The following LIN28B variants were observed in gnomAD, a reference collection of about 807,000 sequenced individuals.
LIN28B encodes the protein lin-28 RNA binding posttranscriptional regulator B, also known as protein lin-28 homolog B.
Under a neutral mutation model 21.9 loss-of-function variants are expected in LIN28B, and 5 were observed. The ratio of observed to expected loss-of-function variants is 0.23; its 90% CI spans 0.12 to 0.48. The LOEUF is 0.48. Ranked by LOEUF, LIN28B falls within the 20% of genes least tolerant of loss-of-function variation. The pLI is 0.98. For synonymous variants in LIN28B, 109 were observed against 111.3 expected, an observed-to-expected ratio of 0.98 and a Z score of 0.13; for missense variants, 245 against 310.5, an observed-to-expected ratio of 0.79 and a Z score of 1.58.
chr6:104,996,154 G>A (rs1770596429), intron 2 of LIN28B, among the ~76,000 whole-genome samples: 1 of 152,102 alleles, frequency 6.6e-6, no homozygotes, highest in Admixed American at 6.6e-5. Flanking sequence ...GATTTGCAGA[G>A]GGTTAAGGAA....
chr6:105,066,810 T>C (rs1452681290), intron 3 of LIN28B, among the ~76,000 whole-genome samples: 1 of 151,984 alleles, frequency 6.6e-6, no homozygotes, highest in Non-Finnish European at 1.5e-5. Context: ...TAAGACATTT[T>C]ACATATATAT....
intron 3 of LIN28B, among the ~76,000 whole-genome samples, chr6:105,051,616 C>G (rs1409503095): frequency 2.0e-5 from 3 of 151,746 alleles, no homozygotes. Flanking sequence ...TCCATGAGAA[C>G]AAGGATCTGG....
At chr6:105,020,991 G>C (rs999408822) in intron 2 of LIN28B, among the ~76,000 whole-genome samples, 4 of 151,588 alleles carry the variant, frequency 2.6e-5, no homozygotes, top group African/African-American at 7.3e-5. Flanking sequence ...TCCTGACCTC[G>C]TAATCCACCC....
intron 3 of LIN28B, chr6:105,058,167 C>G (rs1772057342): frequency 3.4e-6 from 1 of 292,506 alleles, no homozygotes; most frequent in Non-Finnish European, 6.7e-6. Context: ...AACTGGGAAC[C>G]ATTTAAAAAG....
chr6:105,068,399 A>C lies in LIN28B; in HGVS notation c.384-10015A>C, dbSNP rs369914553. On this transcript the variant is annotated intron_variant, in intron 3 of 3. Transcript: ENST00000345080. ...CAATGTGTCTAGTTAATTTCTCATCATATAATCAGATGATAAAAGAGGTTA... is the reference window on the plus strand; with the variant it reads ...CAATGTGTCTAGTTAATTTCTCATCCTATAATCAGATGATAAAAGAGGTTA... 1.7e-4 allele frequency among the ~76,000 whole-genome samples: 26 copies of C among 152,360 alleles called. No individual in the cohort carries two copies. The East Asian group carries it at 3.9e-3, about 23-fold the overall frequency.
intron 2 of LIN28B, among the ~76,000 whole-genome samples, chr6:104,959,837 T>C (rs1321428109): frequency 5.9e-5 from 9 of 152,196 alleles, no homozygotes; most frequent in Non-Finnish European, 2.9e-5. Context: ...ATCTCATAAA[T>C]TTGTTTTATA....
chr6:105,082,137 C>A lies in LIN28B; in HGVS notation c.*3354C>A, dbSNP rs1289596831. 1 of 152,630 alleles carries A rather than the reference C, an allele frequency of 6.6e-6. No individual in the cohort carries two copies. Among genetic ancestry groups the A allele is most frequent in the African/African-American group, 2.4e-5 (1 of 41,456 alleles). The allele number at this position is 152,630 out of a possible 1,614,324, so 9.5% of individuals were successfully genotyped here. A position where few individuals can be genotyped will look rare whatever the true frequency, so the allele number is the denominator to read the frequency against. On this transcript the variant is annotated 3_prime_UTR_variant, in exon 4 of 4. Coordinates refer to ENST00000345080, the MANE Select transcript of LIN28B (RefSeq NM_001004317.4). ...TGAAAACATTTTTATACTTGGGTTT[C>A]TAGTCTTCACTAGAAGGCCTTGGAT... is the stretch of plus-strand genomic sequence containing the variant.
chr6:105,050,544 G>T (rs1433051264), intron 3 of LIN28B, among the ~76,000 whole-genome samples: 1 of 140,326 alleles, frequency 7.1e-6, no homozygotes. Flanking sequence ...GGAGCTTGCA[G>T]TGAGCTGAGA....
intron 3 of LIN28B, among the ~76,000 whole-genome samples, chr6:105,063,226 A>G (rs994935480): frequency 6.6e-6 from 1 of 152,202 alleles, no homozygotes; most frequent in Non-Finnish European, 1.5e-5. Context: ...ACTGCTAGGT[A>G]TCTTTTTGTA....
intron 3 of LIN28B, among the ~76,000 whole-genome samples, chr6:105,030,529 C>G (rs533553726): frequency 6.7e-6 from 1 of 148,784 alleles, no homozygotes; most frequent in African/African-American, 2.5e-5. Context: ...GCTATTTTTT[C>G]TTGATAAGAT....
chr6:104,945,433 A>G (rs1778145500), intron 2 of LIN28B, among the ~76,000 whole-genome samples: 1 of 152,104 alleles, frequency 6.6e-6, no homozygotes, highest in African/African-American at 2.4e-5. Flanking sequence ...ATTAAAACTT[A>G]AAATGTATGT....
At chr6:105,055,233 C>T (rs1050519151) in intron 3 of LIN28B, among the ~76,000 whole-genome samples, 7 of 152,042 alleles carry the variant, frequency 4.6e-5, no homozygotes, top group Non-Finnish European at 8.8e-5. Flanking sequence ...ATCATTTCTT[C>T]GTGTGTTTTT....
intron 2 of LIN28B, among the ~76,000 whole-genome samples, chr6:104,970,753 T>C (rs1769960301): frequency 6.6e-6 from 1 of 152,048 alleles, no homozygotes; most frequent in Admixed American, 6.5e-5. Flanking sequence ...GCTGGCAGAA[T>C]AAAAGAAAGA....
At chr6:105,039,022 C>T (rs775746909) in intron 3 of LIN28B, among the ~76,000 whole-genome samples, 6 of 152,142 alleles carry the variant, frequency 3.9e-5, no homozygotes, top group African/African-American at 7.2e-5. Context: ...TACTCCACTT[C>T]TGGGTAGATT....
chr6:104,987,267 T>G lies in LIN28B; in HGVS notation c.198+28981T>G, dbSNP rs527403304. Among the ~76,000 whole-genome samples the G allele has an allele frequency of 9.8e-5, 15 of 152,362 alleles. No homozygotes were observed. In the South Asian group the frequency reaches 3.1e-3, roughly 32 times the overall value. ...TACATTTTATTTTCCACTTGTTTTTTACTCTACATAAGAATAATTGATTTT... is the reference window on the plus strand; with the variant it reads ...TACATTTTATTTTCCACTTGTTTTTGACTCTACATAAGAATAATTGATTTT... On this transcript the variant is annotated intron_variant, in intron 2 of 3. Transcript: ENST00000345080.
chr6:105,037,820 A>T (rs1454363766), intron 3 of LIN28B, among the ~76,000 whole-genome samples: 6 of 151,994 alleles, frequency 3.9e-5, no homozygotes, highest in African/African-American at 1.4e-4. Flanking sequence ...CAAGAGTTAC[A>T]ACTTGAACTG....
chr6:105,035,541 A>C (rs1771505030), intron 3 of LIN28B, among the ~76,000 whole-genome samples: 1 of 152,204 alleles, frequency 6.6e-6, no homozygotes, highest in Admixed American at 6.5e-5. Flanking sequence ...AAAATTAGCC[A>C]GCACATTTTG....
chr6:104,956,018 C>A (rs1319008454), upstream of LIN28B, among the ~76,000 whole-genome samples: 1 of 152,096 alleles, frequency 6.6e-6, no homozygotes, highest in African/African-American at 2.4e-5. Context: ...TCCGTTGTTA[C>A]ATTTTCGTTT....
At chr6:105,012,121 G>A (rs914126131) in intron 2 of LIN28B, among the ~76,000 whole-genome samples, 51 of 152,020 alleles carry the variant, frequency 3.4e-4, no homozygotes, top group Admixed American at 3.9e-4. Context: ...TTGCGCCACT[G>A]CACTTCAGCC....
Sources: gnomAD v4.1 joint callset for allele counts (sites outside exome capture counted in the v4.1 genomes callset) on GRCh38, gnomAD v4.1.1 for gene constraint, MANE v1.5 for transcripts, NCBI Gene and HGNC (gene_info 2026-07-23, HGNC 2026-07-21) for gene names.